Variants in APCDD1 observed in about 807,000 individuals in gnomAD.
APCDD1 encodes protein APCDD1.
APCDD1 carries 15 observed loss-of-function variants against 38.1 expected under a neutral mutation model. The ratio of observed to expected loss-of-function variants is 0.39; its 90% CI spans 0.26 to 0.61. The LOEUF is 0.61. Ranked by LOEUF, APCDD1 falls within the 20% of genes least tolerant of loss-of-function variation. The probability of loss-of-function intolerance (pLI) is 0.49; values close to 1 mark genes in which losing one functional copy is unlikely to be tolerated. For missense variants in APCDD1, 647 were observed against 696.2 expected, an observed-to-expected ratio of 0.93 and a Z score of 0.79; for synonymous variants, 261 against 279.7, an observed-to-expected ratio of 0.93 and a Z score of 0.67.
chr18:10,472,097 T>C lies in APCDD1; in HGVS notation c.774+36T>C, dbSNP rs2030875471. ...GCTCTGTGTTCTCCTCTTTATTGAGTAAAGTGGGTGATCCTTCTTAAAGGC... is the reference window on the plus strand; with the variant it reads ...GCTCTGTGTTCTCCTCTTTATTGAGCAAAGTGGGTGATCCTTCTTAAAGGC... On this transcript the variant is annotated intron_variant, in intron 3 of 4. Coordinates refer to ENST00000355285, the MANE Select transcript of APCDD1 (RefSeq NM_153000.5). This position sits in a 1 kb window ranked among gnomAD's most constrained non-coding sequence, Gnocchi z 6.6. 6.2e-7 allele frequency: 1 copy of C among 1,611,676 alleles called. No homozygotes were observed. The highest frequency in any genetic ancestry group is 8.5e-7 in the Non-Finnish European group (1 of 1,179,780).
chr18:10,456,940 C>CGT (rs890117332), intron 1 of APCDD1, among the ~76,000 whole-genome samples: 12 of 152,112 alleles, frequency 7.9e-5, no homozygotes, highest in African/African-American at 2.7e-4. Flanking sequence ...AGACCGTGTG[C>CGT]GTGCTGGTAT....
chr18:10,455,456 G>A (rs2030355764), intron 1 of APCDD1, among the ~76,000 whole-genome samples: 1 of 152,212 alleles, frequency 6.6e-6, no homozygotes. Flanking sequence ...GGCTCTTGAT[G>A]TGTTCCAAGC....
chr18:10,467,307 T>C lies in APCDD1; in HGVS notation c.59-1162T>C, dbSNP rs2030739367. Among the ~76,000 whole-genome samples the C allele has an allele frequency of 6.6e-6, 1 of 152,234 alleles. No individual in the cohort carries two copies. Among genetic ancestry groups the C allele is most frequent in the South Asian group, 2.1e-4 (1 of 4,830 alleles). On this transcript the variant is annotated intron_variant, in intron 1 of 4. Transcript: ENST00000355285. This position sits in a 1 kb window ranked among gnomAD's most constrained non-coding sequence, Gnocchi z 4.8. ...TTTATGTGTTGATTAAAAAATATAATTGCTTCCTCACCAGTAGCATTCAAA... is the reference window on the plus strand; with the variant it reads ...TTTATGTGTTGATTAAAAAATATAACTGCTTCCTCACCAGTAGCATTCAAA...
Position 10,472,728 on chromosome 18 carries a change from C to T in APCDD1, c.774+667C>T, listed in dbSNP as rs895650759. Among the ~76,000 whole-genome samples, 2 of 152,192 alleles carry T rather than the reference C, an allele frequency of 1.3e-5. No individual in the cohort carries two copies. Among genetic ancestry groups the T allele is most frequent in the African/African-American group, 4.8e-5 (2 of 41,450 alleles). On this transcript the variant is annotated intron_variant, in intron 3 of 4. Coordinates refer to ENST00000355285, the MANE Select transcript of APCDD1 (RefSeq NM_153000.5). The surrounding 1 kb of genome is among the most constrained non-coding windows in gnomAD (Gnocchi z 6.6). ...TTTCACTAAGGAAAATGTAAAGTCA[C>T]CATAATCAGAAGAGGGGACTAAGGA...
Position 10,455,017 on chromosome 18 carries a change from G to A in APCDD1, c.36G>A (p.Leu12=). The change falls in exon 1 of 5, where the codon CTG becomes CTA. Residue 12 remains leucine (L), a synonymous_variant. Transcript: ENST00000355285. ...SWPRRLLLRY[L]FPALLLHGLG... Reference sequence around the variant, plus strand: ...CGCGCCGCCTCCTGCTCAGATACCTGTTCCCGGCCCTCCTGCTTCACGGTG... The same window carrying A: ...CGCGCCGCCTCCTGCTCAGATACCTATTCCCGGCCCTCCTGCTTCACGGTG... The A allele has an allele frequency of 6.4e-7, 1 of 1,565,540 alleles. No homozygotes were observed. The highest frequency in any genetic ancestry group is 8.7e-7 in the Non-Finnish European group (1 of 1,155,226).
At chr18:10,461,137 G>A (rs2030530336) in intron 1 of APCDD1, among the ~76,000 whole-genome samples, 1 of 152,142 alleles carries the variant, frequency 6.6e-6, no homozygotes, top group South Asian at 2.1e-4. Context: ...ATGGGGTAAT[G>A]TATTCCTTGG....
intron 3 of APCDD1, among the ~76,000 whole-genome samples, chr18:10,484,588 C>T (rs11080423): frequency 7.9e-5 from 12 of 152,022 alleles, no homozygotes; most frequent in Middle Eastern, 3.2e-3. Flanking sequence ...CTTGTCCCCC[C>T]CTTCCAGCTC....
At chr18:10,473,577 G>C (rs2030916576) in intron 3 of APCDD1, among the ~76,000 whole-genome samples, 1 of 152,210 alleles carries the variant, frequency 6.6e-6, no homozygotes, top group Admixed American at 6.5e-5. Context: ...CCTAGAATGG[G>C]ACACAGGGAA....
intron 2 of APCDD1, among the ~76,000 whole-genome samples, chr18:10,468,914 C>T (rs2030784631): frequency 6.6e-6 from 1 of 152,216 alleles, no homozygotes; most frequent in Non-Finnish European, 1.5e-5. Context: ...TCCTTGTTTA[C>T]TGAACTCTAT....
Position 10,472,743 on chromosome 18 carries a change from G to A in APCDD1, c.774+682G>A, listed in dbSNP as rs1417438195. 6.6e-6 allele frequency among the ~76,000 whole-genome samples: 1 copy of A among 152,186 alleles called. No individual in the cohort carries two copies. Among genetic ancestry groups the A allele is most frequent in the Non-Finnish European group, 1.5e-5 (1 of 68,026 alleles). ...TGTAAAGTCACCATAATCAGAAGAG[G>A]GGACTAAGGAGAGCAGGAAACAATT... On this transcript the variant is annotated intron_variant, in intron 3 of 4. Coordinates refer to ENST00000355285, the MANE Select transcript of APCDD1 (RefSeq NM_153000.5). This position sits in a 1 kb window ranked among gnomAD's most constrained non-coding sequence, Gnocchi z 6.6.
chr18:10,472,320 T>A lies in APCDD1; in HGVS notation c.774+259T>A, dbSNP rs2030882730. 6.6e-6 allele frequency among the ~76,000 whole-genome samples: 1 copy of A among 152,128 alleles called. No homozygotes were observed. The highest frequency in any genetic ancestry group is 1.5e-5 in the Non-Finnish European group (1 of 68,026). On this transcript the variant is annotated intron_variant, in intron 3 of 4. Transcript: ENST00000355285. This position sits in a 1 kb window ranked among gnomAD's most constrained non-coding sequence, Gnocchi z 6.6. ...TCGGTTATCCTACTGAAGTGGGTGGTGGCATGGGATGATGGTTCTAGAAAA... is the reference window on the plus strand; with the variant it reads ...TCGGTTATCCTACTGAAGTGGGTGGAGGCATGGGATGATGGTTCTAGAAAA...
intron 3 of APCDD1, among the ~76,000 whole-genome samples, chr18:10,482,258 TGAA>T (rs1662034159): frequency 1.3e-5 from 2 of 152,032 alleles, no homozygotes; most frequent in Admixed American, 6.6e-5. Flanking sequence ...TGACCAGAAA[TGAA>T]GGAGTTGCAA....
In APCDD1 at chr18:10,471,456, C is replaced by A; in HGVS notation, c.243-74C>A. On this transcript the variant is annotated intron_variant, in intron 2 of 4. Transcript: ENST00000355285. The surrounding 1 kb of genome is among the most constrained non-coding windows in gnomAD (Gnocchi z 5.5). ...CACTTTATTATTATTTCTGTAATTT[C>A]TTAATACTATAATGAATCTCTTTCC... 1 of 1,586,994 alleles carries A rather than the reference C, an allele frequency of 6.3e-7. No individual in the cohort carries two copies. Among genetic ancestry groups the A allele is most frequent in the Non-Finnish European group, 8.6e-7 (1 of 1,158,070 alleles).
At position 10,466,996 on chromosome 18, in the gene APCDD1, C is replaced by T. The variant is rs138756260; in HGVS notation, c.59-1473C>T. Among the ~76,000 whole-genome samples the T allele has an allele frequency of 2.2e-3, 335 of 152,328 alleles. 2 individuals carry two copies. The highest frequency in any genetic ancestry group is 5.6e-3 in the African/African-American group (233 of 41,572). Reference sequence around the variant, plus strand: ...GAACGATCAGAAGCTGTCTTTCCATCTCAAAGCCAGAATTCTACTTAGAGG... The same window carrying T: ...GAACGATCAGAAGCTGTCTTTCCATTTCAAAGCCAGAATTCTACTTAGAGG... On this transcript the variant is annotated intron_variant, in intron 1 of 4. Transcript: ENST00000355285.
rs2031236004 is a variant in APCDD1 at position 10,485,728 on chromosome 18, C to T, written c.1041C>T (p.Tyr347=). ...TCTCCATCTACGCCCGGGGCCGCTACAGCCGCGGCGTCCTCTCGTCCAGGG... is the reference window on the plus strand; with the variant it reads ...TCTCCATCTACGCCCGGGGCCGCTATAGCCGCGGCGTCCTCTCGTCCAGGG... ...PTFSIYARGR[Y]SRGVLSSRVM... The change falls in exon 4 of 5, where the codon TAC becomes TAT. Residue 347 remains tyrosine, a synonymous_variant. Coordinates refer to ENST00000355285, the MANE Select transcript of APCDD1 (RefSeq NM_153000.5). This position sits in a 1 kb window ranked among gnomAD's most constrained non-coding sequence, Gnocchi z 5.8. 1 of 1,614,092 alleles carries T rather than the reference C, an allele frequency of 6.2e-7. No homozygotes were observed. The highest frequency in any genetic ancestry group is 8.5e-7 in the Non-Finnish European group (1 of 1,180,030).
In APCDD1 at chr18:10,469,750, C is replaced by T. The variant is rs2030807041; in HGVS notation, c.242+1098C>T. The stretch of plus-strand genomic sequence containing the variant: ...GACCCTTGAGCTGAGACATTGTTGG[C>T]TGTGCAAAGACTGTGGGAAGAGCTT... On this transcript the variant is annotated intron_variant, in intron 2 of 4. Coordinates refer to ENST00000355285, the MANE Select transcript of APCDD1 (RefSeq NM_153000.5). This position sits in a 1 kb window ranked among gnomAD's most constrained non-coding sequence, Gnocchi z 5.5. Among the ~76,000 whole-genome samples, 1 of 152,166 alleles carries T rather than the reference C, an allele frequency of 6.6e-6. No homozygotes were observed. Among genetic ancestry groups the T allele is most frequent in the Non-Finnish European group, 1.5e-5 (1 of 68,028 alleles).
chr18:10,461,731 T>C (rs942577539), intron 1 of APCDD1, among the ~76,000 whole-genome samples: 1 of 152,210 alleles, frequency 6.6e-6, no homozygotes, highest in Non-Finnish European at 1.5e-5. Context: ...GCCATTTTCT[T>C]AATATTTGTT....
Position 10,454,801 on chromosome 18 carries a change from A to G in APCDD1, c.-181A>G, listed in dbSNP as rs922474630. ...CGCCCACAGCCGCCCGACGGCGCCC[A>G]GAGAGCGCGCGCCCCGCAGCCCCGC... is the stretch of plus-strand genomic sequence containing the variant. On this transcript the variant is annotated 5_prime_UTR_variant, in exon 1 of 5. Coordinates refer to ENST00000355285, the MANE Select transcript of APCDD1 (RefSeq NM_153000.5). The G allele has an allele frequency of 1.3e-4, 123 of 981,772 alleles. No individual in the cohort carries two copies. The highest frequency in any genetic ancestry group is 1.3e-4 in the Non-Finnish European group (107 of 829,234). The allele number at this position is 981,772 out of a possible 1,614,324, so 60.8% of individuals were successfully genotyped here. A position where few individuals can be genotyped will look rare whatever the true frequency, so the allele number is the denominator to read the frequency against.
chr18:10,468,339 G>T, intron 1 of APCDD1, 130 bp from the exon 2 acceptor site: 1 of 1,002,714 alleles, frequency 1.0e-6, no homozygotes, highest in Non-Finnish European at 1.6e-6. Flanking sequence ...CACGCACTGT[G>T]ATGACACCTT....
Sources: allele counts gnomAD v4.1 joint callset (sites outside exome capture counted in the v4.1 genomes callset), GRCh38; gene constraint gnomAD v4.1.1; non-coding constraint Gnocchi (gnomAD v3.1); transcripts MANE v1.5; gene names NCBI Gene and HGNC (gene_info 2026-07-23, HGNC 2026-07-21).